The following KNTC1 variants were observed in gnomAD, a reference collection of about 807,000 sequenced individuals.
The protein encoded by KNTC1 is kinetochore associated 1, also known as kinetochore-associated protein 1.
In KNTC1, 253 loss-of-function variants were observed where a neutral mutation model predicts 314.4. The ratio of observed to expected loss-of-function variants is 0.80; its 90% CI spans 0.73 to 0.89. KNTC1 has a LOEUF of 0.89. Ranked by LOEUF, KNTC1 falls within the 40% of genes least tolerant of loss-of-function variation. The pLI is 0.00. For synonymous variants in KNTC1, 901 were observed against 901.4 expected, an observed-to-expected ratio of 1.00 and a Z score of 0.01; for missense variants, 2,475 against 2,572.9, an observed-to-expected ratio of 0.96 and a Z score of 0.82.
chr12:122,579,138 C>T (rs1593594763), intron 31 of KNTC1, among the ~76,000 whole-genome samples: 2 of 140,272 alleles, frequency 1.4e-5, no homozygotes, highest in East Asian at 4.3e-4. Context: ...GATCTCGGCT[C>T]ACTGCAAGCT....
At chr12:122,553,886 A>G (rs1005028133) in intron 16 of KNTC1, among the ~76,000 whole-genome samples, 8 of 152,168 alleles carry the variant, frequency 5.3e-5, no homozygotes, top group Admixed American at 1.3e-4. Flanking sequence ...GCTGAAAGAC[A>G]TCTGGAGGAT....
chr12:122,527,564 G>A (rs7297776), intron 1 of KNTC1: 1 of 152,288 alleles, frequency 6.6e-6, no homozygotes, highest in African/African-American at 2.4e-5. Flanking sequence ...TCGTATTCGC[G>A]AATCTGTTCT....
chr12:122,597,529 GA>G, intron 43 of KNTC1: 1 of 530,430 alleles, frequency 1.9e-6, no homozygotes, highest in Non-Finnish European at 3.4e-6. Context: ...TTACAGGTGT[GA>G]GCCACTGCAC....
chr12:122,605,340 C>T lies in KNTC1; in HGVS notation c.5421C>T (p.Val1807=), dbSNP rs922471024. 5 of 1,604,164 alleles carry T rather than the reference C, an allele frequency of 3.1e-6. No homozygotes were observed. Among genetic ancestry groups the T allele is most frequent in the Non-Finnish European group, 4.3e-6 (5 of 1,175,012 alleles). ...IHAAAKEIAE[V]NEINLEKVWD... Reference sequence around the variant, plus strand: ...CAGCAGCTAAAGAAATAGCCGAAGTCAATGAAATTAATTTGGAAAAAGTCT... The same window carrying T: ...CAGCAGCTAAAGAAATAGCCGAAGTTAATGAAATTAATTTGGAAAAAGTCT... The change falls in exon 51 of 64, where the codon GTC becomes GTT. Residue 1807 remains valine (V), a synonymous_variant. Transcript: ENST00000333479.
chr12:122,619,553 C>T (rs1352758111), intron 59 of KNTC1, among the ~76,000 whole-genome samples: 1 of 152,200 alleles, frequency 6.6e-6, no homozygotes, highest in East Asian at 1.9e-4. Context: ...GCTGGGACTA[C>T]AGGCGCCCAC....
At chr12:122,593,686 C>G (rs1336330759) in intron 42 of KNTC1, 1 of 152,490 alleles carries the variant, frequency 6.6e-6, no homozygotes, top group East Asian at 1.9e-4. Context: ...CTCACTGCAG[C>G]CTTGACCTCT....
rs1267474684 is a variant in KNTC1, at chr12:122,574,378, G to A, written c.2380G>A (p.Asp794Asn). 1.3e-6 allele frequency: 2 copies of A among 1,572,024 alleles called. No individual in the cohort carries two copies. The highest frequency in any genetic ancestry group is 1.1e-5 in the South Asian group (1 of 88,164). ...MAVIACLSDTDLIFDAVLKIM... is the reference protein window; with the variant it reads ...MAVIACLSDTNLIFDAVLKIM... ...AGTAATAGCGTGTTTATCTGACACG[G>A]ACGTAAGTAAATAGTGACCATTTGC... The change falls in exon 27 of 64, where the codon GAC (aspartate) becomes AAC (asparagine). Residue 794 changes from aspartate (D) to asparagine (N), a missense_variant and splice_region_variant. Transcript: ENST00000333479.
intron 37 of KNTC1, among the ~76,000 whole-genome samples, 176 bp from the exon 38 acceptor site, chr12:122,586,521 ATATT>A (rs1179462839): frequency 1.3e-5 from 2 of 152,166 alleles, no homozygotes; most frequent in Admixed American, 6.5e-5. Context: ...TAATAGTGAA[ATATT>A]TACACATCTG....
chr12:122,618,556 T>C lies in KNTC1; in HGVS notation c.6149+11T>C. The C allele has an allele frequency of 1.9e-6, 3 of 1,601,236 alleles. No individual in the cohort carries two copies. The highest frequency in any genetic ancestry group is 8.5e-7 in the Non-Finnish European group (1 of 1,173,978). On this transcript the variant is annotated intron_variant, in intron 59 of 63. Transcript: ENST00000333479. ...CATCGCTGTCCTCGAGTAAGCAAAA[T>C]ATTTGTTCTACCAAAAAAAAAAAAA...
intron 55 of KNTC1, among the ~76,000 whole-genome samples, chr12:122,614,679 G>A (rs769296174): frequency 3.9e-5 from 6 of 151,942 alleles, no homozygotes; most frequent in African/African-American, 7.3e-5. Context: ...TCAGGAGTTC[G>A]AGACCAGCCT....
intron 9 of KNTC1, 74 bp from the exon 10 acceptor site, chr12:122,546,548 A>C: frequency 1.0e-6 from 1 of 967,928 alleles, no homozygotes; most frequent in African/African-American, 1.6e-5. Context: ...CTTTCTGTGA[A>C]TATGTTAGTT....
chr12:122,615,338 A>G, intron 56 of KNTC1, 132 bp from the exon 57 acceptor site: 1 of 817,506 alleles, frequency 1.2e-6, no homozygotes, highest in Non-Finnish European at 1.9e-6. Flanking sequence ...TTGTAAGTGA[A>G]CTTCTCTGGC....
At chr12:122,583,496 G>T (rs1041887556) in intron 34 of KNTC1, among the ~76,000 whole-genome samples, 1 of 152,128 alleles carries the variant, frequency 6.6e-6, no homozygotes, top group Non-Finnish European at 1.5e-5. Context: ...AGGTTACTGT[G>T]CACTTCAGCA....
chr12:122,584,457 A>G lies in KNTC1; in HGVS notation c.3436+7A>G. The G allele has an allele frequency of 6.3e-7, 1 of 1,586,480 alleles. No individual in the cohort carries two copies. The highest frequency in any genetic ancestry group is 8.6e-7 in the Non-Finnish European group (1 of 1,163,214). On this transcript the variant is annotated splice_region_variant and intron_variant, in intron 35 of 63. Coordinates refer to ENST00000333479, the MANE Select transcript of KNTC1 (RefSeq NM_014708.6). ...GCCACCATTTGCAGTCCAGGTGACA[A>G]TATTTATAATATACGTAGTTTTATA...
chr12:122,601,542 C>A lies in KNTC1; in HGVS notation c.4570C>A (p.Pro1524Thr). Residue 1524 changes from proline (P) to threonine (T), a missense_variant, in exon 45 of 64, where the codon CCT becomes ACT. Transcript: ENST00000333479. Reference protein sequence around the residue: ...SLSGILHKLDPYDYEMIEVVL... With the variant: ...SLSGILHKLDTYDYEMIEVVL... ...TATTTTTGTTTTTATACAGTTGGAT[C>A]CTTATGACTATGAAATGATTGAAGT... is the stretch of plus-strand genomic sequence containing the variant. 1 of 1,527,906 alleles carries A rather than the reference C, an allele frequency of 6.5e-7. No homozygotes were observed. Among genetic ancestry groups the A allele is most frequent in the Non-Finnish European group, 8.8e-7 (1 of 1,139,874 alleles). The allele number at this position is 1,527,906 out of a possible 1,614,324, so 94.6% of individuals were successfully genotyped here. A position where few individuals can be genotyped will look rare whatever the true frequency, so the allele number is the denominator to read the frequency against.
intron 49 of KNTC1, 119 bp downstream of exon 49, chr12:122,604,756 G>C: frequency 8.1e-7 from 1 of 1,231,318 alleles, no homozygotes; most frequent in Non-Finnish European, 1.2e-6. Context: ...AAGGCTTTAT[G>C]TAGATGCTTA....
chr12:122,577,743 C>CGATG lies in KNTC1; in HGVS notation c.2793_2794insGATG (p.Ile932AspfsTer16). Reference sequence around the variant, plus strand: ...CTGAGAAAACTGCAGAAAGAGTCATCATATGGGCACGACTGGCATTACAAG... The same window carrying CGATG: ...CTGAGAAAACTGCAGAAAGAGTCATCGATGATATGGGCACGACTGGCATTACAAG... On this transcript the variant is annotated frameshift_variant, in exon 31 of 64. Transcript: ENST00000333479. LOFTEE classifies it high-confidence loss of function. The CGATG allele has an allele frequency of 6.2e-7, 1 of 1,613,718 alleles. No individual in the cohort carries two copies. The highest frequency in any genetic ancestry group is 1.7e-4 in the Middle Eastern group (1 of 6,060).
intron 51 of KNTC1, among the ~76,000 whole-genome samples, chr12:122,608,904 A>T (rs967087832): frequency 7.9e-5 from 12 of 151,956 alleles, no homozygotes; most frequent in Non-Finnish European, 1.5e-4. Flanking sequence ...ACAAAAATTT[A>T]AAAAATTAGC....
intron 30 of KNTC1, 48 bp from the exon 31 acceptor site, chr12:122,577,624 C>T (rs1338000798): frequency 6.4e-7 from 1 of 1,569,806 alleles, no homozygotes; most frequent in Admixed American, 1.9e-5. Context: ...CCACACCGTC[C>T]TTTGCAAATA....
Sources: gnomAD v4.1 joint callset for allele counts (sites outside exome capture counted in the v4.1 genomes callset) on GRCh38, gnomAD v4.1.1 for gene constraint, MANE v1.5 for transcripts, NCBI Gene and HGNC (gene_info 2026-07-23, HGNC 2026-07-21) for gene names.